CMTM4: variants seen among roughly 807,000 people sequenced by gnomAD.
CMTM4 encodes the protein CKLF-like MARVEL transmembrane domain-containing protein 4.
CMTM4 carries 8 observed loss-of-function variants against 19.0 expected under a neutral mutation model. That is an observed-to-expected ratio of 0.42 (90% CI 0.25 to 0.76). The LOEUF (loss-of-function observed/expected upper bound fraction) is 0.76, where lower values mean the gene tolerates loss of function less well. Among genes scored for constraint, CMTM4 ranks in the 30% least tolerant of loss-of-function variants. The probability of loss-of-function intolerance (pLI) is 0.27; values close to 1 mark genes in which losing one functional copy is unlikely to be tolerated. For missense variants in CMTM4, 228 were observed against 290.2 expected (o/e 0.79, Z 1.56); for synonymous variants, 106 against 121.1 (o/e 0.88, Z 0.82).
At chr16:66,626,491 A>G (rs893186740) in intron 2 of CMTM4, among the ~76,000 whole-genome samples, 1 of 152,184 alleles carries the variant, frequency 6.6e-6, no homozygotes, top group Non-Finnish European at 1.5e-5. Context: ...ATGTAGTCCC[A>G]GTTACTCGGC....
intron 1 of CMTM4, among the ~76,000 whole-genome samples, chr16:66,641,849 C>T (rs1596923438): frequency 6.6e-6 from 1 of 152,130 alleles, no homozygotes; most frequent in Admixed American, 6.5e-5. Context: ...CATAAAATAC[C>T]TATTATATAT....
intron 1 of CMTM4, among the ~76,000 whole-genome samples, chr16:66,664,392 G>A (rs1049355721): frequency 4.6e-5 from 7 of 150,982 alleles, no homozygotes; most frequent in African/African-American, 1.7e-4. Flanking sequence ...CAACAGAAAT[G>A]GTAAAAACCT....
At chr16:66,679,750 G>A (rs2016873289) in intron 1 of CMTM4, among the ~76,000 whole-genome samples, 1 of 151,748 alleles carries the variant, frequency 6.6e-6, no homozygotes, top group Non-Finnish European at 1.5e-5. Flanking sequence ...CTTGAACCTG[G>A]GAGGTGGAAG....
Position 66,619,672 on chromosome 16 carries a change from G to A in CMTM4, c.*2386C>T. ...CCTCCAGAACTTTCGTCACCACGTG[G>A]TCTATACATGATGACATGTGCAACC... is the stretch of plus-strand genomic sequence containing the variant. On this transcript the variant is annotated 3_prime_UTR_variant, in exon 4 of 4. Transcript: ENST00000394106. The A allele has an allele frequency of 1.0e-6, 1 of 985,328 alleles. No individual in the cohort carries two copies. The allele number at this position is 985,328 out of a possible 1,614,324, so 61.0% of individuals were successfully genotyped here. A position where few individuals can be genotyped will look rare whatever the true frequency, so the allele number is the denominator to read the frequency against.
chr16:66,691,320 A>G (rs964906891), intron 1 of CMTM4, among the ~76,000 whole-genome samples: 1 of 152,060 alleles, frequency 6.6e-6, no homozygotes, highest in Non-Finnish European at 1.5e-5. Flanking sequence ...AAAAAAATTC[A>G]CACAAGGAGG....
At chr16:66,692,013 CAG>C (rs1220330074) in intron 1 of CMTM4, among the ~76,000 whole-genome samples, 1 of 152,080 alleles carries the variant, frequency 6.6e-6, no homozygotes, top group Non-Finnish European at 1.5e-5. Context: ...GAGGTATTGG[CAG>C]TCTCATTTTA....
intron 2 of CMTM4, among the ~76,000 whole-genome samples, chr16:66,630,619 C>T (rs1269700197): frequency 2.0e-5 from 3 of 151,548 alleles, no homozygotes; most frequent in Non-Finnish European, 4.4e-5. Flanking sequence ...GGATTGCAGA[C>T]GGAGTCTCGT....
At chr16:66,627,444 T>C (rs1339122632) in intron 2 of CMTM4, among the ~76,000 whole-genome samples, 1 of 152,232 alleles carries the variant, frequency 6.6e-6, no homozygotes, top group African/African-American at 2.4e-5. Flanking sequence ...AACAGCTTTA[T>C]TGAGATATAA....
chr16:66,598,365 C>A, the CMTM4 span, among the ~76,000 whole-genome samples: 150 of 152,114 alleles, frequency 9.9e-4, no homozygotes, highest in African/African-American at 3.4e-3. Context: ...CAGGCACCCA[C>A]CCACTTCTCC....
intron 1 of CMTM4, among the ~76,000 whole-genome samples, chr16:66,651,711 A>G (rs2016314113): frequency 6.6e-6 from 1 of 152,250 alleles, no homozygotes; most frequent in Non-Finnish European, 1.5e-5. Context: ...GACAAAGCCC[A>G]CAACATGACT....
At chr16:66,652,616 C>T (rs1207291388) in intron 1 of CMTM4, among the ~76,000 whole-genome samples, 1 of 152,200 alleles carries the variant, frequency 6.6e-6, no homozygotes, top group Non-Finnish European at 1.5e-5. Flanking sequence ...TGCTCTAACG[C>T]ATACATTAAA....
rs371978411 is a variant in CMTM4 at position 66,623,451 on chromosome 16, C to T, written c.415G>A (p.Val139Ile). The T allele has an allele frequency of 8.7e-6, 14 of 1,613,882 alleles. No homozygotes were observed. The highest frequency in any genetic ancestry group is 5.0e-5 in the Admixed American group (3 of 60,002). ...GCTCTATGGTTTAAAGCAGCCAGTA[C>T]GATTGAAGCAATAAAGAAAAGGAAA... ...SAFLFFIASI[V>I]LAALNHRAGA... Residue 139 changes from valine (V) to isoleucine (I), a missense_variant, in exon 3 of 4, where the codon GTA becomes ATA. This residue lies in a region of CMTM4 where 200 missense variants were observed against 226.6 expected (regional missense o/e 0.88). Coordinates refer to ENST00000394106, the MANE Select transcript of CMTM4 (RefSeq NM_181521.3).
intron 2 of CMTM4, among the ~76,000 whole-genome samples, chr16:66,629,607 G>T (rs191838407): frequency 1.3e-5 from 2 of 152,116 alleles, no homozygotes; most frequent in South Asian, 2.1e-4. Flanking sequence ...AATCATACCC[G>T]AGTTTATGCT....
At chr16:66,626,668 G>A (rs1213850255) in intron 2 of CMTM4, among the ~76,000 whole-genome samples, 1 of 152,012 alleles carries the variant, frequency 6.6e-6, no homozygotes, top group Non-Finnish European at 1.5e-5. Flanking sequence ...TACTCGGGAG[G>A]CTGAGGCAGA....
intron 2 of CMTM4, among the ~76,000 whole-genome samples, chr16:66,630,576 G>A (rs2015835902): frequency 6.6e-6 from 1 of 152,010 alleles, no homozygotes; most frequent in Non-Finnish European, 1.5e-5. Flanking sequence ...CTAACCGCGA[G>A]TGATCCGCCA....
At chr16:66,649,754 G>A (rs144507859) in intron 1 of CMTM4, among the ~76,000 whole-genome samples, 29 of 152,234 alleles carry the variant, frequency 1.9e-4, no homozygotes, top group African/African-American at 7.0e-4. Context: ...GGGGGGCAGG[G>A]GCAGGGCTCT....
At chr16:66,653,922 G>C (rs1258396652) in intron 1 of CMTM4, among the ~76,000 whole-genome samples, 1 of 151,786 alleles carries the variant, frequency 6.6e-6, no homozygotes, top group Non-Finnish European at 1.5e-5. Flanking sequence ...TTTTTTTTTA[G>C]TAGAGACAGG....
intron 2 of CMTM4, among the ~76,000 whole-genome samples, chr16:66,635,237 T>C (rs2015968354): frequency 6.6e-6 from 1 of 152,232 alleles, no homozygotes; most frequent in Non-Finnish European, 1.5e-5. Flanking sequence ...AAAATGCTTC[T>C]AGTTATCTTG....
At chr16:66,606,088 G>T in the CMTM4 span, among the ~76,000 whole-genome samples, 6 of 152,200 alleles carry the variant, frequency 3.9e-5, no homozygotes, top group African/African-American at 1.4e-4. Flanking sequence ...GAGCATAGAG[G>T]CCACCCTGGG....
Sources: allele counts gnomAD v4.1 joint callset (sites outside exome capture counted in the v4.1 genomes callset), GRCh38; gene constraint gnomAD v4.1.1; regional missense constraint gnomAD v4.1.1; transcripts MANE v1.5; gene names NCBI Gene and HGNC (gene_info 2026-07-23, HGNC 2026-07-21).